LDLRAD3: variants seen among roughly 807,000 people sequenced by gnomAD.
The protein encoded by LDLRAD3 is low-density lipoprotein receptor class A domain-containing protein 3.
LDLRAD3 carries 20 observed loss-of-function variants against 29.4 expected under a neutral mutation model. The observed-to-expected ratio is 0.68, with a 90% CI of 0.48 to 0.99. The LOEUF (loss-of-function observed/expected upper bound fraction) is 0.99, where lower values mean the gene tolerates loss of function less well. LDLRAD3 is among the 50% of genes least tolerant of loss of function. LDLRAD3 has a pLI of 0.00. For synonymous variants in LDLRAD3, 157 were observed against 192.7 expected, an observed-to-expected ratio of 0.81 and a Z score of 1.53; for missense variants, 420 against 454.3, an observed-to-expected ratio of 0.92 and a Z score of 0.69.
At chr11:36,073,414 T>C (rs1445668944) in intron 2 of LDLRAD3, among the ~76,000 whole-genome samples, 3 of 152,192 alleles carry the variant, frequency 2.0e-5, no homozygotes, top group Non-Finnish European at 2.9e-5. Flanking sequence ...ACAGGCAGGG[T>C]CAGTCTTTCA....
chr11:36,029,668 C>G (rs950910193), intron 1 of LDLRAD3, among the ~76,000 whole-genome samples: 2 of 152,176 alleles, frequency 1.3e-5, no homozygotes, highest in African/African-American at 4.8e-5. Context: ...AAACTATTTC[C>G]TGGTGAAAAA....
At chr11:36,189,076 C>CA (rs1854899822) in intron 4 of LDLRAD3, among the ~76,000 whole-genome samples, 1 of 151,928 alleles carries the variant, frequency 6.6e-6, no homozygotes, top group Non-Finnish European at 1.5e-5. Context: ...ATAGAATTTG[C>CA]AACCATCATC....
intron 4 of LDLRAD3, among the ~76,000 whole-genome samples, chr11:36,216,126 A>T (rs1176647186): frequency 2.0e-5 from 3 of 152,162 alleles, no homozygotes; most frequent in African/African-American, 4.8e-5. Context: ...GTGGCCTGGG[A>T]CCTGGGCCTC....
At chr11:36,079,772 C>T (rs776931929) in intron 2 of LDLRAD3, among the ~76,000 whole-genome samples, 7 of 152,110 alleles carry the variant, frequency 4.6e-5, no homozygotes, top group Non-Finnish European at 1.0e-4. Context: ...GGATGTTGGG[C>T]CAGTGGGTTT....
intron 2 of LDLRAD3, among the ~76,000 whole-genome samples, chr11:36,070,904 A>C (rs1852889990): frequency 6.6e-6 from 1 of 152,154 alleles, no homozygotes; most frequent in South Asian, 2.1e-4. Flanking sequence ...AAAGGAGACC[A>C]TGTAGCCCAG....
At chr11:36,015,132 A>G (rs1852004527) in intron 1 of LDLRAD3, among the ~76,000 whole-genome samples, 1 of 152,222 alleles carries the variant, frequency 6.6e-6, no homozygotes, top group Non-Finnish European at 1.5e-5. Flanking sequence ...TGTTAAGCCG[A>G]GCTTCAGTAG....
chr11:36,218,793 G>C (rs1034932481), intron 4 of LDLRAD3, among the ~76,000 whole-genome samples: 3 of 152,208 alleles, frequency 2.0e-5, no homozygotes, highest in Non-Finnish European at 4.4e-5. Flanking sequence ...TGGTATTGTA[G>C]CATTGTTTGT....
In LDLRAD3 at chr11:36,215,771, C is replaced by T. The variant is rs77287279; in HGVS notation, c.455-11314C>T. Among the ~76,000 whole-genome samples, 587 of 152,306 alleles carry T rather than the reference C, an allele frequency of 3.9e-3. 2 individuals are homozygous for T. Among genetic ancestry groups the T allele is most frequent in the Admixed American group, 8.7e-3 (133 of 15,298 alleles). ...AGCCCTGCTTACAGTGATTCTGTAT[C>T]AGCCCGTTCCCCTAAATTACTCAGA... On this transcript the variant is annotated intron_variant, in intron 4 of 5. Transcript: ENST00000315571.
rs767167149 is a variant in LDLRAD3 at position 36,098,501 on chromosome 11, A to C, written c.454+40A>C. ...AGCTCTAAAAAGATAATTGCAACAC[A>C]ACACTGCAGTAATGGAACACCCTGA... is the stretch of plus-strand genomic sequence containing the variant. On this transcript the variant is annotated intron_variant, in intron 4 of 5. Coordinates refer to ENST00000315571, the MANE Select transcript of LDLRAD3 (RefSeq NM_174902.4). 3 of 1,610,660 alleles carry C rather than the reference A, an allele frequency of 1.9e-6. No homozygotes were observed. The South Asian group carries it at 3.3e-5, about 18-fold the overall frequency.
intron 4 of LDLRAD3, among the ~76,000 whole-genome samples, chr11:36,103,196 C>G (rs1472089180): frequency 6.6e-6 from 1 of 151,270 alleles, no homozygotes; most frequent in African/African-American, 2.4e-5. Context: ...AATTTGGTAA[C>G]TCTAGGTACC....
chr11:36,206,725 CTTT>C (rs33957569), intron 4 of LDLRAD3, among the ~76,000 whole-genome samples: 31,557 of 132,936 alleles, frequency 0.24, 3,537 homozygotes, highest in Admixed American at 0.33. Flanking sequence ...GTTGATTTTA[CTTT>C]TTTTTTTTTT....
chr11:36,145,068 C>T (rs1358954299), intron 4 of LDLRAD3, among the ~76,000 whole-genome samples: 4 of 80,160 alleles, frequency 5.0e-5, no homozygotes, highest in African/African-American at 2.3e-4. Flanking sequence ...AAGAGAGGAG[C>T]CCCTCTGCCC....
chr11:36,022,132 CTTCTG>C (rs1375702397), intron 1 of LDLRAD3, among the ~76,000 whole-genome samples: 4 of 152,164 alleles, frequency 2.6e-5, no homozygotes, highest in African/African-American at 7.2e-5. Flanking sequence ...AAACAGTTCC[CTTCTG>C]TTCTTTCATC....
At chr11:36,121,669 T>G (rs1853760934) in intron 4 of LDLRAD3, among the ~76,000 whole-genome samples, 1 of 152,184 alleles carries the variant, frequency 6.6e-6, no homozygotes, top group African/African-American at 2.4e-5. Context: ...CAGGGAGAGC[T>G]GGTTTGTATA....
intron 1 of LDLRAD3, among the ~76,000 whole-genome samples, chr11:36,003,337 A>T (rs925803347): frequency 2.6e-5 from 4 of 152,138 alleles, no homozygotes; most frequent in African/African-American, 9.7e-5. Flanking sequence ...TGCCACTGTG[A>T]ATGGGGTGTG....
At chr11:36,179,426 A>G (rs7950398) in intron 4 of LDLRAD3, among the ~76,000 whole-genome samples, 7,358 of 152,042 alleles carry the variant, frequency 0.048, 219 homozygotes, top group Middle Eastern at 0.11. Flanking sequence ...GTGAGCCAAG[A>G]TTGTGCCACT....
chr11:36,065,445 T>C (rs77997463), intron 2 of LDLRAD3, among the ~76,000 whole-genome samples: 1,528 of 152,286 alleles, frequency 0.01, 19 homozygotes, highest in African/African-American at 0.035. Flanking sequence ...CAGTATTTTG[T>C]TGTTAAAGTT....
chr11:36,160,445 C>T (rs903877457), intron 4 of LDLRAD3, among the ~76,000 whole-genome samples: 2 of 152,114 alleles, frequency 1.3e-5, no homozygotes, highest in African/African-American at 4.8e-5. Context: ...TACATGAATG[C>T]TTATCCCAGC....
chr11:36,071,698 G>A (rs1218171178), intron 2 of LDLRAD3, among the ~76,000 whole-genome samples: 3 of 152,186 alleles, frequency 2.0e-5, no homozygotes, highest in African/African-American at 7.2e-5. Context: ...TAATTATTGA[G>A]TAGTCTGTGT....
Sources: allele counts gnomAD v4.1 joint callset (sites outside exome capture counted in the v4.1 genomes callset), GRCh38; gene constraint gnomAD v4.1.1; transcripts MANE v1.5; gene names NCBI Gene and HGNC (gene_info 2026-07-23, HGNC 2026-07-21).